FAAH2: variants seen among roughly 807,000 people sequenced by gnomAD.
FAAH2 encodes fatty-acid amide hydrolase 2.
Under a neutral mutation model 36.9 loss-of-function variants are expected in FAAH2, and 60 were observed. The observed-to-expected ratio is 1.63, with a 90% CI of 1.32 to 2.02. The LOEUF (loss-of-function observed/expected upper bound fraction) is 2.02, where lower values mean the gene tolerates loss of function less well. Ranked by LOEUF, FAAH2 falls within the 30% of genes most tolerant of loss-of-function variation. The probability of loss-of-function intolerance (pLI) is 0.00; values close to 1 mark genes in which losing one functional copy is unlikely to be tolerated. For missense variants in FAAH2, 689 were observed against 397.5 expected, an observed-to-expected ratio of 1.73 and a Z score of -6.23; for synonymous variants, 214 against 143.8, an observed-to-expected ratio of 1.49 and a Z score of -3.49.
chrX:57,434,230 A>C (rs1314676965), intron 8 of FAAH2, among the ~76,000 whole-genome samples: 2 of 108,214 alleles, frequency 1.8e-5, no homozygotes, highest in East Asian at 2.9e-4. Context: ...CACACGCCAC[A>C]ACACTTGGCT....
the FAAH2 span, among the ~76,000 whole-genome samples, chrX:57,158,158 T>A: frequency 9.0e-6 from 1 of 111,664 alleles, no homozygotes; most frequent in Admixed American, 9.5e-5. Flanking sequence ...TTCATCCATG[T>A]CCCTACAAAG....
the FAAH2 span, among the ~76,000 whole-genome samples, chrX:57,243,348 G>C: frequency 8.9e-6 from 1 of 112,218 alleles, no homozygotes; most frequent in Non-Finnish European, 1.9e-5. Flanking sequence ...GTTCCTGCCT[G>C]CCAGCTCTGA....
chrX:57,396,081 T>C (rs1442055597), intron 7 of FAAH2, among the ~76,000 whole-genome samples: 2 of 111,828 alleles, frequency 1.8e-5, no homozygotes, highest in Admixed American at 1.9e-4. Flanking sequence ...AGGTTGTATG[T>C]GTCCAGGAAG....
chrX:57,331,751 T>C lies in FAAH2; in HGVS notation c.566T>C (p.Ile189Thr), dbSNP rs1222691508. Reference sequence around the variant, plus strand: ...ATGTGGTATGAATCCAGTAACAAGATCTATGGCCGATCAAACAACCCATAT... The same window carrying C: ...ATGTGGTATGAATCCAGTAACAAGACCTATGGCCGATCAAACAACCCATAT... Reference protein sequence around the residue: ...LCMWYESSNKIYGRSNNPYDL... With the variant: ...LCMWYESSNKTYGRSNNPYDL... The change falls in exon 4 of 11, where the codon ATC becomes ACC. Residue 189 changes from isoleucine to threonine, a missense_variant. Coordinates refer to ENST00000374900, the MANE Select transcript of FAAH2 (RefSeq NM_174912.4). 2.5e-6 allele frequency: 3 copies of C among 1,211,373 alleles called. No individual in the cohort carries two copies. The highest frequency in any genetic ancestry group is 3.4e-6 in the Non-Finnish European group (3 of 895,434).
At chrX:57,200,536 G>T in the FAAH2 span, among the ~76,000 whole-genome samples, 15 of 110,281 alleles carry the variant, frequency 1.4e-4, no homozygotes, top group African/African-American at 5.0e-4. Context: ...GTACCACCAT[G>T]CCTGGCTAAT....
the FAAH2 span, among the ~76,000 whole-genome samples, chrX:57,171,612 GT>G: frequency 1.8e-5 from 2 of 111,034 alleles, no homozygotes; most frequent in Non-Finnish European, 3.8e-5. Context: ...GAATTACTTG[GT>G]TTTTTTATTG....
chrX:57,170,863 A>T, the FAAH2 span, among the ~76,000 whole-genome samples: 1 of 102,640 alleles, frequency 9.7e-6, no homozygotes, highest in African/African-American at 4.1e-5. Flanking sequence ...CGCCACCATG[A>T]CCAGCTATTT....
In FAAH2 at chrX:57,376,710, G is replaced by A. The variant is rs998227089; in HGVS notation, c.743-1941G>A. 1.6e-4 allele frequency among the ~76,000 whole-genome samples: 18 copies of A among 111,950 alleles called. No individual in the cohort carries two copies. The East Asian group carries it at 5.0e-3, about 31-fold the overall frequency. Reference sequence around the variant, plus strand: ...GGGTCAAATGGTATTTCTGGTTCTAGATCGTTGAGGAATCACCACACTGTC... The same window carrying A: ...GGGTCAAATGGTATTTCTGGTTCTAAATCGTTGAGGAATCACCACACTGTC... On this transcript the variant is annotated intron_variant, in intron 5 of 10. Coordinates refer to ENST00000374900, the MANE Select transcript of FAAH2 (RefSeq NM_174912.4).
At chrX:57,406,663 C>T (rs979886437) in intron 7 of FAAH2, among the ~76,000 whole-genome samples, 1 of 112,718 alleles carries the variant, frequency 8.9e-6, no homozygotes, top group African/African-American at 3.2e-5. Flanking sequence ...GCAGGAAATG[C>T]CCATCTGCCA....
At chrX:57,308,164 T>C (rs1186858321) in intron 2 of FAAH2, among the ~76,000 whole-genome samples, 2 of 111,896 alleles carry the variant, frequency 1.8e-5, no homozygotes, top group East Asian at 5.6e-4. Context: ...TACCCAGTAA[T>C]GTGATTGCTG....
chrX:57,192,326 A>G, the FAAH2 span, among the ~76,000 whole-genome samples: 429 of 111,613 alleles, frequency 3.8e-3, no homozygotes, highest in African/African-American at 0.013. Context: ...ACTAAATATT[A>G]TCAGTTTGAA....
intron 7 of FAAH2, among the ~76,000 whole-genome samples, chrX:57,403,404 T>A (rs1332350068): frequency 8.9e-6 from 1 of 112,823 alleles, no homozygotes; most frequent in Non-Finnish European, 1.9e-5. Context: ...GGGTCTGGGC[T>A]GCTGGATTCT....
At chrX:57,190,982 C>T in the FAAH2 span, among the ~76,000 whole-genome samples, 1 of 111,408 alleles carries the variant, frequency 9.0e-6, no homozygotes, top group Non-Finnish European at 1.9e-5. Context: ...ATACTGATGT[C>T]CTTTCTTTGG....
At chrX:57,321,726 TG>T (rs1375844383) in intron 3 of FAAH2, among the ~76,000 whole-genome samples, 2 of 110,466 alleles carry the variant, frequency 1.8e-5, no homozygotes, top group Non-Finnish European at 3.8e-5. Context: ...GCCTTTTAAT[TG>T]GGGTATTTAG....
the FAAH2 span, among the ~76,000 whole-genome samples, chrX:57,203,272 C>T: frequency 6.5e-3 from 729 of 112,444 alleles, 4 homozygotes; most frequent in Non-Finnish European, 0.011. Flanking sequence ...AAGGGATGGG[C>T]TCTGGCTAGT....
chrX:57,247,886 C>T, the FAAH2 span, among the ~76,000 whole-genome samples: 1 of 111,854 alleles, frequency 8.9e-6, no homozygotes, highest in Non-Finnish European at 1.9e-5. Flanking sequence ...GATGAGAGAC[C>T]GAAGATACAG....
At chrX:57,369,477 G>T (rs1361089779) in intron 5 of FAAH2, among the ~76,000 whole-genome samples, 5 of 111,499 alleles carry the variant, frequency 4.5e-5, no homozygotes, top group Non-Finnish European at 9.4e-5. Context: ...TCAGAAAATT[G>T]TCAAGTCACA....
chrX:57,382,908 A>G (rs1474939936), intron 7 of FAAH2, among the ~76,000 whole-genome samples: 1 of 111,900 alleles, frequency 8.9e-6, no homozygotes, highest in Non-Finnish European at 1.9e-5. Flanking sequence ...CCTGATGAAC[A>G]TCGATGCAAA....
At chrX:57,438,227 A>G (rs1190458209) in intron 8 of FAAH2, among the ~76,000 whole-genome samples, 1 of 82,532 alleles carries the variant, frequency 1.2e-5, no homozygotes, top group Non-Finnish European at 2.3e-5. Flanking sequence ...ATATATCAGT[A>G]TATATATCAG....
Sources: allele counts gnomAD v4.1 joint callset (sites outside exome capture counted in the v4.1 genomes callset), GRCh38; gene constraint gnomAD v4.1.1; transcripts MANE v1.5; gene names NCBI Gene and HGNC (gene_info 2026-07-23, HGNC 2026-07-21).